The following CSNK1D variants were observed in gnomAD, a reference collection of about 807,000 sequenced individuals.
The protein encoded by CSNK1D is casein kinase I isoform delta.
In CSNK1D, 16 loss-of-function variants were observed where a neutral mutation model predicts 46.6. The ratio of observed to expected loss-of-function variants is 0.34; its 90% CI spans 0.23 to 0.52. CSNK1D has a LOEUF of 0.52. Ranked by LOEUF, CSNK1D falls within the 20% of genes least tolerant of loss-of-function variation. The probability of loss-of-function intolerance (pLI) is 0.95; values close to 1 mark genes in which losing one functional copy is unlikely to be tolerated. For missense variants in CSNK1D, 398 were observed against 578.4 expected, an observed-to-expected ratio of 0.69 and a Z score of 3.20; for synonymous variants, 276 against 228.2, an observed-to-expected ratio of 1.21 and a Z score of -1.89.
chr17:82,241,581 C>G (rs540542906), downstream of CSNK1D, among the ~76,000 whole-genome samples: 7 of 152,382 alleles, frequency 4.6e-5, no homozygotes, highest in East Asian at 9.6e-4. Context: ...CAGGCAGGAA[C>G]TGGAACTTGG....
At chr17:82,246,558 A>G (rs1435800881) in intron 8 of CSNK1D, 2 of 1,041,410 alleles carry the variant, frequency 1.9e-6, no homozygotes, top group Non-Finnish European at 2.3e-6. Flanking sequence ...TACTGTAGCC[A>G]AAGAGCCCTG....
At position 82,250,064 on chromosome 17, in the gene CSNK1D, G is replaced by C; in HGVS notation, c.886-462C>G. The stretch of plus-strand genomic sequence containing the variant: ...GTACACTCAGGGTCCGGACCCTGCA[G>C]CCTCCAACAGCCTGTGCAGGTGTGG... On this transcript the variant is annotated intron_variant, in intron 6 of 8. Transcript: ENST00000314028. The surrounding 1 kb of genome is among the most constrained non-coding windows in gnomAD (Gnocchi z 4.6). 7.8e-7 allele frequency: 1 copy of C among 1,283,462 alleles called. No individual in the cohort carries two copies. The highest frequency in any genetic ancestry group is 1.0e-6 in the Non-Finnish European group (1 of 985,044). 79.5% of individuals were successfully genotyped at this position (1,283,462 alleles called of 1,614,324 possible). A position where few individuals can be genotyped will look rare whatever the true frequency, so the allele number is the denominator to read the frequency against.
Position 82,244,795 on chromosome 17 carries a change from C to T in CSNK1D, c.1234G>A (p.Val412Ile). 2.5e-6 allele frequency: 4 copies of T among 1,614,016 alleles called. No homozygotes were observed. The highest frequency in any genetic ancestry group is 3.4e-6 in the Non-Finnish European group (4 of 1,180,042). ...AAGGAGAGTTCTCATCGGTGCACGA[C>T]AGACTGAAGACCACTGGAAGCCACC... ...GRVASSGLQS[V>I]VHR The change falls in exon 9 of 9, where the codon GTC becomes ATC. Residue 412 changes from valine (V) to isoleucine (I), a missense_variant. By Grantham distance (29) the Val-to-Ile change is conservative. Transcript: ENST00000314028.
chr17:82,272,714 GTCTT>G (rs2051661791), intron 1 of CSNK1D, among the ~76,000 whole-genome samples: 2 of 152,180 alleles, frequency 1.3e-5, no homozygotes, highest in African/African-American at 4.8e-5. Flanking sequence ...CGGCATTTGG[GTCTT>G]TCTGACATTT....
Position 82,248,834 on chromosome 17 carries a change from T to G in CSNK1D, c.1197+41A>C, listed in dbSNP as rs757222673. 3.1e-6 allele frequency: 5 copies of G among 1,593,346 alleles called. No individual in the cohort carries two copies. The South Asian group carries it at 4.5e-5, about 14-fold the overall frequency. ...CAGCCCGCTCTTGACTCGGACGGGGTAGCCCGAGGCCCAGCGCCCGCCCGG... is the reference window on the plus strand; with the variant it reads ...CAGCCCGCTCTTGACTCGGACGGGGGAGCCCGAGGCCCAGCGCCCGCCCGG... On this transcript the variant is annotated intron_variant, in intron 8 of 8. Coordinates refer to ENST00000314028, the MANE Select transcript of CSNK1D (RefSeq NM_001893.6). This position sits in a 1 kb window ranked among gnomAD's most constrained non-coding sequence, Gnocchi z 4.1.
Position 82,248,678 on chromosome 17 carries a change from C to T in CSNK1D, c.1197+197G>A, listed in dbSNP as rs2050913137. 1.4e-6 allele frequency: 2 copies of T among 1,419,312 alleles called. No individual in the cohort carries two copies. The highest frequency in any genetic ancestry group is 9.2e-7 in the Non-Finnish European group (1 of 1,087,080). 87.9% of individuals were successfully genotyped at this position (1,419,312 alleles called of 1,614,324 possible). On this transcript the variant is annotated intron_variant, in intron 8 of 8. Transcript: ENST00000314028. The surrounding 1 kb of genome is among the most constrained non-coding windows in gnomAD (Gnocchi z 4.1). Reference sequence around the variant, plus strand: ...CCACCTGCAACCAGGAGACAAGCCCCATGACGGCCCAGCATGTCTCCCAGG... The same window carrying T: ...CCACCTGCAACCAGGAGACAAGCCCTATGACGGCCCAGCATGTCTCCCAGG...
chr17:82,241,032 G>T (rs555796886), downstream of CSNK1D, among the ~76,000 whole-genome samples: 51 of 152,160 alleles, frequency 3.4e-4, no homozygotes, highest in African/African-American at 1.2e-3. Context: ...CCCGGCGACA[G>T]ATTCTAGTGC....
At chr17:82,259,757 T>G (rs1027598573) in intron 2 of CSNK1D, among the ~76,000 whole-genome samples, 3 of 152,212 alleles carry the variant, frequency 2.0e-5, no homozygotes, top group African/African-American at 7.2e-5. Context: ...ATCAATTACC[T>G]AGAGCTGCAA....
chr17:82,265,567 C>T (rs1038265693), intron 2 of CSNK1D, 119 bp downstream of exon 2: 1 of 797,644 alleles, frequency 1.3e-6, no homozygotes, highest in Non-Finnish European at 2.2e-6. Flanking sequence ...GTGTGGAGAA[C>T]ACTTCCCTCC....
Position 82,265,717 on chromosome 17 carries a change from C to T in CSNK1D, c.156G>A (p.Glu52=). 1.9e-6 allele frequency: 3 copies of T among 1,614,148 alleles called. No homozygotes were observed. The highest frequency in any genetic ancestry group is 2.5e-6 in the Non-Finnish European group (3 of 1,179,998). ...CCTGCATCATCTTGTAGATTTTGCT[C>T]TCAATGTGGAGCTGAGGGTGTTTGG... The part of the protein sequence containing the change: ...VKTKHPQLHI[E]SKIYKMMQGG... Residue 52 remains glutamate (E), a synonymous_variant, in exon 2 of 9, where the codon GAG becomes GAA. Coordinates refer to ENST00000314028, the MANE Select transcript of CSNK1D (RefSeq NM_001893.6).
At chr17:82,272,734 C>T (rs971367825) in intron 1 of CSNK1D, among the ~76,000 whole-genome samples, 5 of 152,214 alleles carry the variant, frequency 3.3e-5, no homozygotes, top group Admixed American at 3.3e-4. Flanking sequence ...CATTTTCCCC[C>T]ACGAATGCAA....
At chr17:82,241,261 T>G, downstream of CSNK1D, among the ~76,000 whole-genome samples, 1 of 149,964 alleles carries the variant, frequency 6.7e-6, no homozygotes, top group Non-Finnish European at 1.5e-5. Context: ...CCGGGGGAGG[T>G]GGCGGGGGAG....
chr17:82,240,593 A>T (rs2050729319), downstream of CSNK1D, among the ~76,000 whole-genome samples: 1 of 152,094 alleles, frequency 6.6e-6, no homozygotes, highest in Non-Finnish European at 1.5e-5. Context: ...ACCCTCCCCT[A>T]GGCAGGAAGC....
intron 1 of CSNK1D, among the ~76,000 whole-genome samples, chr17:82,271,643 T>C (rs1403663159): frequency 6.6e-6 from 1 of 152,190 alleles, no homozygotes; most frequent in East Asian, 1.9e-4. Flanking sequence ...AAAGCAACAA[T>C]ATGGCATGTG....
rs1332430745 is a variant in CSNK1D, at chr17:82,243,232, T to C, written c.*1549A>G. ...TGTGTTCTGGGACGCCAGCCAGTTA[T>C]GGCATCCGGGGAACTCTGGGGAGGA... On this transcript the variant is annotated 3_prime_UTR_variant, in exon 9 of 9. Coordinates refer to ENST00000314028, the MANE Select transcript of CSNK1D (RefSeq NM_001893.6). 6.1e-6 allele frequency: 6 copies of C among 985,402 alleles called. No individual in the cohort carries two copies. Among genetic ancestry groups the C allele is most frequent in the East Asian group, 1.1e-4 (1 of 8,828 alleles). The allele number at this position is 985,402 out of a possible 1,614,324, so 61.0% of individuals were successfully genotyped here.
rs546818428 is a variant in CSNK1D at position 82,251,765 on chromosome 17, C to A, written c.737-238G>T. 5 of 516,350 alleles carry A rather than the reference C, an allele frequency of 9.7e-6. No individual in the cohort carries two copies. The highest frequency in any genetic ancestry group is 1.9e-5 in the South Asian group (1 of 52,460). The allele number at this position is 516,350 out of a possible 1,614,324, so 32.0% of individuals were successfully genotyped here. A position where few individuals can be genotyped will look rare whatever the true frequency, so the allele number is the denominator to read the frequency against. On this transcript the variant is annotated intron_variant, in intron 5 of 8. Coordinates refer to ENST00000314028, the MANE Select transcript of CSNK1D (RefSeq NM_001893.6). The surrounding 1 kb of genome is among the most constrained non-coding windows in gnomAD (Gnocchi z 4.5). ...CAGCACTCTAGGAGGCTGAGGAGGG[C>A]GGATCACGAGGTCAGGAGATCAAGA...
Position 82,273,101 on chromosome 17 carries a change from C to T in CSNK1D, c.76+205G>A, listed in dbSNP as rs1296654718. 8.5e-6 allele frequency: 5 copies of T among 587,932 alleles called. No individual in the cohort carries two copies. Among genetic ancestry groups the T allele is most frequent in the Middle Eastern group, 4.5e-4 (1 of 2,214 alleles). The allele number at this position is 587,932 out of a possible 1,614,324, so 36.4% of individuals were successfully genotyped here. On this transcript the variant is annotated intron_variant, in intron 1 of 8. Transcript: ENST00000314028. The surrounding 1 kb of genome is among the most constrained non-coding windows in gnomAD (Gnocchi z 5.1). Reference sequence around the variant, plus strand: ...CCCTGCTCCCCCGACCTGGTCCTGCCCCTCCCCCACGTCCGCTCCCCACTG... The same window carrying T: ...CCCTGCTCCCCCGACCTGGTCCTGCTCCTCCCCCACGTCCGCTCCCCACTG...
intron 2 of CSNK1D, among the ~76,000 whole-genome samples, chr17:82,264,599 G>A (rs1033939150): frequency 3.3e-5 from 5 of 152,076 alleles, no homozygotes; most frequent in Non-Finnish European, 4.4e-5. Flanking sequence ...TGTTTTGCTC[G>A]GAGAAAACGA....
chr17:82,248,663 C>T lies in CSNK1D; in HGVS notation c.1197+212G>A, dbSNP rs1568556607. The T allele has an allele frequency of 2.9e-6, 4 of 1,402,202 alleles. No individual in the cohort carries two copies. In the East Asian group the frequency reaches 1.1e-4, roughly 37 times the overall value. 86.9% of individuals were successfully genotyped at this position (1,402,202 alleles called of 1,614,324 possible). ...GAGACCTGAGACTGGCCACCTGCAACCAGGAGACAAGCCCCATGACGGCCC... is the reference window on the plus strand; with the variant it reads ...GAGACCTGAGACTGGCCACCTGCAATCAGGAGACAAGCCCCATGACGGCCC... On this transcript the variant is annotated intron_variant, in intron 8 of 8. Coordinates refer to ENST00000314028, the MANE Select transcript of CSNK1D (RefSeq NM_001893.6). This position sits in a 1 kb window ranked among gnomAD's most constrained non-coding sequence, Gnocchi z 4.1.
Sources: gnomAD v4.1 joint callset for allele counts (sites outside exome capture counted in the v4.1 genomes callset) on GRCh38, gnomAD v4.1.1 for gene constraint, Gnocchi (gnomAD v3.1) non-coding constraint, MANE v1.5 for transcripts, NCBI Gene and HGNC (gene_info 2026-07-23, HGNC 2026-07-21) for gene names.